Variants in ATRNL1 observed in about 807,000 individuals in gnomAD.
ATRNL1 encodes attractin like 1, also known as attractin-like protein 1.
Under a neutral mutation model 182.7 loss-of-function variants are expected in ATRNL1, and 95 were observed. That is an observed-to-expected ratio of 0.52 (90% CI 0.44 to 0.62). The LOEUF (loss-of-function observed/expected upper bound fraction) is 0.62, where lower values mean the gene tolerates loss of function less well. ATRNL1 is among the 20% of genes least tolerant of loss of function. ATRNL1 has a pLI of 0.00. For synonymous variants in ATRNL1, 576 were observed against 568.3 expected, an observed-to-expected ratio of 1.01 and a Z score of -0.19; for missense variants, 1,471 against 1,679.5, an observed-to-expected ratio of 0.88 and a Z score of 2.17.
At position 115,266,779 on chromosome 10, in the gene ATRNL1, T is replaced by C. The variant is rs782658497; in HGVS notation, c.1773-18T>C. ...TTTTAATAGCGTTTCTTTAAGATTC[T>C]TGTTTTGTTTTTAATAGGTCCATGT... On this transcript the variant is annotated intron_variant, in intron 11 of 28. Transcript: ENST00000355044. 2 of 1,466,472 alleles carry C rather than the reference T, an allele frequency of 1.4e-6. No individual in the cohort carries two copies. Among genetic ancestry groups the C allele is most frequent in the Admixed American group, 3.9e-5 (2 of 50,676 alleles). 90.8% of individuals were successfully genotyped at this position (1,466,472 alleles called of 1,614,324 possible). A position where few individuals can be genotyped will look rare whatever the true frequency, so the allele number is the denominator to read the frequency against.
chr10:115,486,643 C>T (rs1232056423), intron 24 of ATRNL1, among the ~76,000 whole-genome samples: 3 of 151,846 alleles, frequency 2.0e-5, no homozygotes, highest in Non-Finnish European at 2.9e-5. Flanking sequence ...GGATATTAGC[C>T]CTTTGTCAGA....
intron 27 of ATRNL1, among the ~76,000 whole-genome samples, chr10:115,732,778 A>G (rs1593140831): frequency 6.6e-6 from 1 of 152,272 alleles, no homozygotes; most frequent in African/African-American, 2.4e-5. Context: ...TTGAGAAGAC[A>G]TCTTAGACCT....
rs147215507 is a variant in ATRNL1 at position 115,335,614 on chromosome 10, C to T, written c.3175+1195C>T. ...ATACAGTTGTACCTTGGTATCCATG[C>T]GGATTAATTCCAAGACCTTTCCTGT... On this transcript the variant is annotated intron_variant, in intron 19 of 28. Coordinates refer to ENST00000355044, the MANE Select transcript of ATRNL1 (RefSeq NM_207303.4). 1.3e-3 allele frequency among the ~76,000 whole-genome samples: 193 copies of T among 152,258 alleles called. 4 individuals are homozygous for T. The East Asian group carries it at 0.034, about 27-fold the overall frequency.
chr10:115,603,934 G>A (rs1443191828), intron 26 of ATRNL1, among the ~76,000 whole-genome samples: 1 of 151,918 alleles, frequency 6.6e-6, no homozygotes, highest in Non-Finnish European at 1.5e-5. Context: ...ATTCTAGGTG[G>A]ACCTCTTGGA....
At chr10:115,756,948 A>G (rs575520836) in intron 27 of ATRNL1, among the ~76,000 whole-genome samples, 1 of 152,160 alleles carries the variant, frequency 6.6e-6, no homozygotes, top group South Asian at 2.1e-4. Flanking sequence ...TTGTTGGTTT[A>G]ACATCTGTTT....
rs1321134515 is a variant in ATRNL1, at chr10:115,705,355, T to A, written c.3796-21893T>A. Among the ~76,000 whole-genome samples the A allele has an allele frequency of 2.0e-5, 3 of 151,914 alleles. No individual in the cohort carries two copies. The East Asian group carries it at 5.8e-4, about 29-fold the overall frequency. On this transcript the variant is annotated intron_variant, in intron 26 of 28. Transcript: ENST00000355044. Reference sequence around the variant, plus strand: ...TTTCTTCACTTCCCAGAAAATAAGATTGGTTAAAATAATAGAGGTATTGAT... The same window carrying A: ...TTTCTTCACTTCCCAGAAAATAAGAATGGTTAAAATAATAGAGGTATTGAT...
chr10:115,148,367 T>C (rs1019785514), intron 5 of ATRNL1, among the ~76,000 whole-genome samples: 4 of 152,184 alleles, frequency 2.6e-5, no homozygotes, highest in Non-Finnish European at 5.9e-5. Context: ...TTTCTAGATA[T>C]AAGATTATAT....
chr10:115,435,067 G>T (rs1465538241), intron 21 of ATRNL1, among the ~76,000 whole-genome samples: 2 of 137,854 alleles, frequency 1.5e-5, no homozygotes, highest in Admixed American at 1.6e-4. Flanking sequence ...GTCTTGCTCT[G>T]TCGCCCAGGC....
chr10:115,540,950 G>A (rs1554991828), intron 25 of ATRNL1, among the ~76,000 whole-genome samples: 2 of 152,072 alleles, frequency 1.3e-5, no homozygotes, highest in African/African-American at 2.4e-5. Context: ...TAAATTCTAG[G>A]AGGAAAGGTA....
At chr10:115,432,373 T>C (rs1297071292) in intron 21 of ATRNL1, among the ~76,000 whole-genome samples, 1 of 152,102 alleles carries the variant, frequency 6.6e-6, no homozygotes, top group South Asian at 2.1e-4. Context: ...TTTAGAAATA[T>C]CAGAAGCATA....
chr10:115,686,379 C>G (rs1946220778), intron 26 of ATRNL1, among the ~76,000 whole-genome samples: 1 of 152,014 alleles, frequency 6.6e-6, no homozygotes, highest in South Asian at 2.1e-4. Context: ...GCTACACCTA[C>G]TTAGAAACCT....
At chr10:115,217,598 A>C (rs1849283656) in intron 9 of ATRNL1, among the ~76,000 whole-genome samples, 1 of 152,178 alleles carries the variant, frequency 6.6e-6, no homozygotes, top group African/African-American at 2.4e-5. Flanking sequence ...TACTTGAATA[A>C]AATTTTGTTA....
chr10:115,435,254 C>T (rs1375075071), intron 21 of ATRNL1, among the ~76,000 whole-genome samples: 12 of 152,014 alleles, frequency 7.9e-5, no homozygotes, highest in African/African-American at 2.9e-4. Flanking sequence ...CTCCTGACCT[C>T]ATGATCCGCC....
At chr10:115,097,855 C>T (rs1269188513) in intron 1 of ATRNL1, among the ~76,000 whole-genome samples, 4 of 151,962 alleles carry the variant, frequency 2.6e-5, no homozygotes, top group Admixed American at 2.0e-4. Flanking sequence ...ACCCAGGAGG[C>T]GGAGGTTGCA....
At chr10:115,230,908 AG>A (rs1564837902) in intron 9 of ATRNL1, among the ~76,000 whole-genome samples, 1,575 of 146,486 alleles carry the variant, frequency 0.011, 36 homozygotes, top group African/African-American at 0.039. Context: ...AGAGAGAGAG[AG>A]AGAGAGAGAG....
At chr10:115,419,564 A>G (rs576685484) in intron 20 of ATRNL1, among the ~76,000 whole-genome samples, 1 of 152,340 alleles carries the variant, frequency 6.6e-6, no homozygotes, top group African/African-American at 2.4e-5. Context: ...ATAGATTGAA[A>G]GTAAATGGAT....
At chr10:115,653,096 C>T (rs1860114364) in intron 26 of ATRNL1, among the ~76,000 whole-genome samples, 1 of 152,176 alleles carries the variant, frequency 6.6e-6, no homozygotes, top group East Asian at 1.9e-4. Context: ...TGAAAAGACA[C>T]ATTTGGCTGG....
intron 24 of ATRNL1, among the ~76,000 whole-genome samples, chr10:115,485,658 TA>T (rs1232579455): frequency 6.6e-6 from 1 of 151,976 alleles, no homozygotes; most frequent in African/African-American, 2.4e-5. Context: ...CCAACGTCTT[TA>T]TTTTTTTTAA....
At chr10:115,466,172 C>T (rs11197226) in intron 22 of ATRNL1, among the ~76,000 whole-genome samples, 2,312 of 151,418 alleles carry the variant, frequency 0.015, 54 homozygotes, top group African/African-American at 0.053. Context: ...TTAGTTGCTT[C>T]CATATTTACT....
Sources: allele counts gnomAD v4.1 joint callset (sites outside exome capture counted in the v4.1 genomes callset), GRCh38; gene constraint gnomAD v4.1.1; transcripts MANE v1.5; gene names NCBI Gene and HGNC (gene_info 2026-07-23, HGNC 2026-07-21).